RPS10: variants seen among roughly 807,000 people sequenced by gnomAD.
The protein encoded by RPS10 is small ribosomal subunit protein eS10.
Under a neutral mutation model 22.6 loss-of-function variants are expected in RPS10, and 2 were observed. The ratio of observed to expected loss-of-function variants is 0.09; its 90% CI spans 0.04 to 0.28. The LOEUF (loss-of-function observed/expected upper bound fraction) is 0.28. RPS10 is among the 10% of genes least tolerant of loss of function. The probability of loss-of-function intolerance (pLI) is 1.00; values close to 1 mark genes in which losing one functional copy is unlikely to be tolerated. For missense variants in RPS10, 137 were observed against 222.2 expected, an observed-to-expected ratio of 0.62 and a Z score of 2.44; for synonymous variants, 70 against 75.9, an observed-to-expected ratio of 0.92 and a Z score of 0.40.
At chr6:34,422,592 G>A (rs1311768546) in intron 3 of RPS10, among the ~76,000 whole-genome samples, 1 of 151,900 alleles carries the variant, frequency 6.6e-6, no homozygotes, top group Non-Finnish European at 1.5e-5. Context: ...TGGGATTATA[G>A]GCACGAGCCA....
chr6:34,421,279 G>A (rs1164202812), intron 4 of RPS10, among the ~76,000 whole-genome samples: 1 of 151,872 alleles, frequency 6.6e-6, no homozygotes, highest in Admixed American at 6.6e-5. Flanking sequence ...TGCCTCCCAG[G>A]TTCAAGCAAT....
chr6:34,424,943 G>A (rs980183060), intron 2 of RPS10, 103 bp from the exon 3 acceptor site: 24 of 1,605,430 alleles, frequency 1.5e-5, no homozygotes, highest in African/African-American at 4.0e-5. Context: ...AGCAGCCCCC[G>A]CAGTCCTGAC....
intron 3 of RPS10, 127 bp downstream of exon 3, chr6:34,424,535 CAAAGGTT>C: frequency 8.1e-7 from 1 of 1,240,790 alleles, no homozygotes; most frequent in South Asian, 1.3e-5. Context: ...AGCCATGGGA[CAAAGGTT>C]CTAGCACTTG....
chr6:34,421,329 G>A (rs894202698), intron 4 of RPS10, among the ~76,000 whole-genome samples: 19 of 151,570 alleles, frequency 1.3e-4, no homozygotes, highest in Admixed American at 2.0e-4. Context: ...GACTACAGAC[G>A]CCCACCACCA....
intron 4 of RPS10, 45 bp from the exon 5 acceptor site, chr6:34,418,469 T>C (rs1353351325): frequency 6.2e-7 from 1 of 1,613,836 alleles, no homozygotes; most frequent in South Asian, 1.1e-5. Flanking sequence ...TGATCTAATC[T>C]ACTATAGAAC....
chr6:34,417,969 G>A (rs1765634256), intron 5 of RPS10: 3 of 713,852 alleles, frequency 4.2e-6, no homozygotes, highest in Non-Finnish European at 7.7e-6. Context: ...CTTAGTAGCT[G>A]TAATTATCAC....
At chr6:34,421,526 TC>T (rs1188607248) in intron 4 of RPS10, among the ~76,000 whole-genome samples, 3 of 151,960 alleles carry the variant, frequency 2.0e-5, no homozygotes, top group African/African-American at 7.3e-5. Context: ...CCCAGCCTCC[TC>T]CTAATTCTCA....
At chr6:34,421,581 G>T (rs1285067759) in intron 4 of RPS10, 149 bp downstream of exon 4, 1 of 830,130 alleles carries the variant, frequency 1.2e-6, no homozygotes, top group African/African-American at 1.7e-5. Context: ...AAGGACTCCA[G>T]CTGTTCTGAT....
chr6:34,424,499 T>G, intron 3 of RPS10, 170 bp downstream of exon 3: 1 of 814,462 alleles, frequency 1.2e-6, no homozygotes, highest in Non-Finnish European at 2.0e-6. Context: ...CCTGAAGAAC[T>G]GAGTCTAGTT....
At chr6:34,421,896 T>C (rs996731064) in intron 3 of RPS10, 89 bp from the exon 4 acceptor site, 13 of 1,429,860 alleles carry the variant, frequency 9.1e-6, no homozygotes, top group Non-Finnish European at 1.3e-5. Flanking sequence ...TCTCCTGTTG[T>C]CACTCTCAGC....
intron 4 of RPS10, among the ~76,000 whole-genome samples, chr6:34,419,335 A>T (rs1169381466): frequency 6.6e-6 from 1 of 150,866 alleles, no homozygotes; most frequent in African/African-American, 2.4e-5. Flanking sequence ...CCTAATTTTT[A>T]TATTTTTTGT....
intron 3 of RPS10, among the ~76,000 whole-genome samples, chr6:34,423,612 C>T (rs754918788): frequency 1.2e-4 from 19 of 152,200 alleles, no homozygotes; most frequent in Non-Finnish European, 2.4e-4. Flanking sequence ...GGGCTGGGCG[C>T]GGTGGCTAAC....
intron 1 of RPS10, chr6:34,425,457 G>C (rs960128939): frequency 1.1e-5 from 6 of 521,862 alleles, no homozygotes; most frequent in Non-Finnish European, 2.1e-5. Flanking sequence ...GCACATTCGC[G>C]CCAAACTTCC....
intron 5 of RPS10, 45 bp from the exon 6 acceptor site, chr6:34,417,592 T>A (rs771981897): frequency 1.2e-4 from 200 of 1,607,536 alleles, no homozygotes; most frequent in Non-Finnish European, 1.0e-4. Flanking sequence ...GCACTCTGGT[T>A]TGATCTTTGG....
chr6:34,424,164 A>AAAAAG (rs377757571), intron 3 of RPS10: 5 of 148,998 alleles, frequency 3.4e-5, no homozygotes, highest in Non-Finnish European at 7.3e-5. Context: ...AAAAAAAAAA[A>AAAAAG]GCAACTGTGA....
rs748486003 is a variant in RPS10, at chr6:34,425,180, G to A, written c.42C>T (p.Leu14=). ...CCACCATGACTCCCTCCTTAAAAAG[G>A]AGTTCATAAATGGCAATCCGGTTCT... ...PKKNRIAIYE[L]LFKEGVMVAK... is the part of the protein sequence containing the mutation. Residue 14 remains leucine (L), a synonymous_variant, in exon 2 of 6, where the codon CTC becomes CTT. Coordinates refer to ENST00000648437, the MANE Select transcript of RPS10 (RefSeq NM_001014.5). 3 of 1,613,658 alleles carry A rather than the reference G, an allele frequency of 1.9e-6. No homozygotes were observed. The highest frequency in any genetic ancestry group is 1.7e-5 in the Admixed American group (1 of 59,946).
chr6:34,417,747 C>A, intron 5 of RPS10, 200 bp from the exon 6 acceptor site: 1 of 722,334 alleles, frequency 1.4e-6, no homozygotes, highest in Admixed American at 2.0e-5. Context: ...CCCATTTCTT[C>A]ATTGGTAAAG....
chr6:34,417,664 G>A, intron 5 of RPS10, 117 bp from the exon 6 acceptor site: 1 of 920,118 alleles, frequency 1.1e-6, no homozygotes, highest in South Asian at 1.4e-5. Context: ...AAACAGCTGG[G>A]AGAGAGCTGA....
chr6:34,421,034 A>AAC (rs1554163682), intron 4 of RPS10, among the ~76,000 whole-genome samples: 52 of 147,140 alleles, frequency 3.5e-4, no homozygotes, highest in African/African-American at 9.9e-4. Flanking sequence ...AAAAAAAAAA[A>AAC]AAGTTGAATC....
Sources: allele counts gnomAD v4.1 joint callset (sites outside exome capture counted in the v4.1 genomes callset), GRCh38; gene constraint gnomAD v4.1.1; transcripts MANE v1.5; gene names NCBI Gene and HGNC (gene_info 2026-07-23, HGNC 2026-07-21).